Variants in EPS15 observed in about 807,000 individuals in gnomAD.
EPS15 encodes epidermal growth factor receptor pathway substrate 15.
In EPS15, 72 loss-of-function variants were observed where a neutral mutation model predicts 113.8. That is an observed-to-expected ratio of 0.63 (90% CI 0.52 to 0.77). The LOEUF (loss-of-function observed/expected upper bound fraction) is 0.77. EPS15 is among the 30% of genes least tolerant of loss of function. The pLI, the probability that EPS15 is intolerant of heterozygous loss-of-function variation, is 0.00. For synonymous variants in EPS15, 344 were observed against 363.4 expected (o/e 0.95, Z 0.61); for missense variants, 1,048 against 1,045.8 (o/e 1.00, Z -0.03).
chr1:51,360,461 G>A (rs903217335), intron 24 of EPS15, among the ~76,000 whole-genome samples: 2 of 152,008 alleles, frequency 1.3e-5, no homozygotes, highest in African/African-American at 4.8e-5. Context: ...TGATTTTATA[G>A]GCCCTGCTTA....
At chr1:51,408,755 G>C (rs891280589) in intron 14 of EPS15, among the ~76,000 whole-genome samples, 1 of 150,844 alleles carries the variant, frequency 6.6e-6, no homozygotes, top group Non-Finnish European at 1.5e-5. Flanking sequence ...AGCCTCTCGA[G>C]TAGGTGGGAT....
chr1:51,506,241 T>C (rs1220687540), intron 1 of EPS15, among the ~76,000 whole-genome samples: 1 of 152,184 alleles, frequency 6.6e-6, no homozygotes, highest in African/African-American at 2.4e-5. Context: ...TTGGAATTGG[T>C]AGATGGCTCA....
intron 21 of EPS15, among the ~76,000 whole-genome samples, chr1:51,369,313 C>T (rs982933629): frequency 3.3e-5 from 5 of 152,078 alleles, no homozygotes; most frequent in East Asian, 3.9e-4. Flanking sequence ...GGCAGAGGCC[C>T]GTTCAGAAAG....
intron 17 of EPS15, 67 bp downstream of exon 17, chr1:51,403,352 A>G: frequency 1.2e-6 from 1 of 817,374 alleles, no homozygotes; most frequent in South Asian, 1.6e-5. Flanking sequence ...GTAATGTCTG[A>G]TAATTCACCT....
At chr1:51,485,103 A>G (rs1208338032) in intron 1 of EPS15, among the ~76,000 whole-genome samples, 1 of 152,240 alleles carries the variant, frequency 6.6e-6, no homozygotes, top group African/African-American at 2.4e-5. Context: ...GACAATTTGC[A>G]GAGAACCACT....
At chr1:51,377,954 G>A (rs1455527753) in intron 21 of EPS15, among the ~76,000 whole-genome samples, 1 of 146,818 alleles carries the variant, frequency 6.8e-6, no homozygotes, top group South Asian at 2.2e-4. Context: ...GGAGTGTAAT[G>A]GCACTATCTC....
chr1:51,426,866 TATATATACAC>T (rs1390313888), intron 12 of EPS15, among the ~76,000 whole-genome samples: 6 of 151,142 alleles, frequency 4.0e-5, no homozygotes, highest in Admixed American at 4.0e-4. Flanking sequence ...CACACACATA[TATATATACAC>T]ATATATACAC....
chr1:51,514,178 C>T (rs2148569992), intron 1 of EPS15, among the ~76,000 whole-genome samples: 1 of 152,202 alleles, frequency 6.6e-6, no homozygotes, highest in South Asian at 2.1e-4. Flanking sequence ...TTATTAAAAA[C>T]ACCTAATAAA....
chr1:51,487,484 CCT>C (rs1048171672), intron 1 of EPS15, among the ~76,000 whole-genome samples: 3 of 151,976 alleles, frequency 2.0e-5, no homozygotes, highest in African/African-American at 7.3e-5. Context: ...TGTAGTACCC[CCT>C]TTCATTCTCA....
intron 12 of EPS15, among the ~76,000 whole-genome samples, chr1:51,433,053 A>C (rs1357569950): frequency 1.3e-5 from 2 of 152,198 alleles, no homozygotes; most frequent in Non-Finnish European, 2.9e-5. Context: ...CTAAAACAAA[A>C]ACATAGAATT....
chr1:51,462,893 TTTC>T (rs967627085), intron 7 of EPS15, among the ~76,000 whole-genome samples: 21 of 147,584 alleles, frequency 1.4e-4, no homozygotes, highest in African/African-American at 1.0e-4. Context: ...TTTTTTTTTT[TTTC>T]TAAGACAGTC....
intron 8 of EPS15, among the ~76,000 whole-genome samples, chr1:51,451,756 T>C (rs1323517338): frequency 1.3e-5 from 2 of 149,308 alleles, no homozygotes; most frequent in Admixed American, 6.6e-5. Context: ...TTTTAAAGCA[T>C]TCAAGGTACC....
At chr1:51,372,225 G>A (rs1432957877) in intron 21 of EPS15, 2 of 461,582 alleles carry the variant, frequency 4.3e-6, no homozygotes, top group Admixed American at 2.5e-5. Flanking sequence ...GAGTTTGTGG[G>A]TTGCAGGGAG....
intron 13 of EPS15, among the ~76,000 whole-genome samples, chr1:51,415,675 AATCCCAGCT>A (rs1650140666): frequency 6.6e-6 from 1 of 151,812 alleles, no homozygotes; most frequent in Admixed American, 6.6e-5. Context: ...GGATGCCTGT[AATCCCAGCT>A]ACTTGGGAGG....
chr1:51,470,646 CAAAA>C (rs10616476), intron 4 of EPS15, among the ~76,000 whole-genome samples: 3 of 72,992 alleles, frequency 4.1e-5, no homozygotes, highest in Admixed American at 1.6e-4. Flanking sequence ...GGCTCTGTCT[CAAAA>C]AAAAAAAAAA....
chr1:51,429,485 A>T (rs1424428136), intron 12 of EPS15, among the ~76,000 whole-genome samples: 1 of 152,108 alleles, frequency 6.6e-6, no homozygotes, highest in Non-Finnish European at 1.5e-5. Context: ...ATAAAAAATT[A>T]ATGAAAAAAA....
chr1:51,387,204 A>C (rs1206433272), intron 21 of EPS15, among the ~76,000 whole-genome samples: 1 of 152,196 alleles, frequency 6.6e-6, no homozygotes, highest in Non-Finnish European at 1.5e-5. Flanking sequence ...CCAGAATTTC[A>C]TATCCAGCCA....
At chr1:51,376,629 G>A (rs1338736606) in intron 21 of EPS15, among the ~76,000 whole-genome samples, 1 of 152,058 alleles carries the variant, frequency 6.6e-6, no homozygotes, top group Non-Finnish European at 1.5e-5. Flanking sequence ...GCACCACTGT[G>A]CTCCAGCCTG....
At chr1:51,481,881 A>G (rs1644026696) in intron 1 of EPS15, among the ~76,000 whole-genome samples, 1 of 152,214 alleles carries the variant, frequency 6.6e-6, no homozygotes, top group East Asian at 1.9e-4. Context: ...TCAATGTTTG[A>G]AGGATCGACT....
Sources: allele counts gnomAD v4.1 joint callset (sites outside exome capture counted in the v4.1 genomes callset), GRCh38; gene constraint gnomAD v4.1.1; transcripts MANE v1.5; gene names NCBI Gene and HGNC (gene_info 2026-07-23, HGNC 2026-07-21).